ABCC5: variants seen among roughly 807,000 people sequenced by gnomAD.
ABCC5 encodes the protein ATP binding cassette subfamily C member 5.
ABCC5 carries 61 observed loss-of-function variants against 160.9 expected under a neutral mutation model. The ratio of observed to expected loss-of-function variants is 0.38; its 90% CI spans 0.31 to 0.47. The LOEUF (loss-of-function observed/expected upper bound fraction) is 0.47. ABCC5 is among the 20% of genes least tolerant of loss of function. The probability of loss-of-function intolerance (pLI) is 0.99; values close to 1 mark genes in which losing one functional copy is unlikely to be tolerated. For missense variants in ABCC5, 1,308 were observed against 1,813.3 expected, an observed-to-expected ratio of 0.72 and a Z score of 5.06; for synonymous variants, 666 against 700.6, an observed-to-expected ratio of 0.95 and a Z score of 0.78.
chr3:183,985,157 G>C (rs954525114), intron 5 of ABCC5: 1 of 782,486 alleles, frequency 1.3e-6, no homozygotes, highest in African/African-American at 1.7e-5. Flanking sequence ...GAAAAAAGAG[G>C]TTTTCATGAA....
Position 183,977,473 on chromosome 3 carries a change from T to C in ABCC5, c.1404+44A>G. The C allele has an allele frequency of 5.6e-6, 8 of 1,433,510 alleles. No homozygotes were observed. In the African/African-American group the frequency reaches 7.0e-5, roughly 13 times the overall value. 88.8% of individuals were successfully genotyped at this position (1,433,510 alleles called of 1,614,324 possible). ...TGAACAGAGCCAGCAGTTAGTTGTG[T>C]GGGGAGGGCTCCTGACACGGGGGCA... is the stretch of plus-strand genomic sequence containing the variant. On this transcript the variant is annotated intron_variant, in intron 10 of 29. Coordinates refer to ENST00000334444, the MANE Select transcript of ABCC5 (RefSeq NM_005688.4).
At chr3:183,929,900 G>A (rs967424869) in intron 26 of ABCC5, among the ~76,000 whole-genome samples, 1 of 152,188 alleles carries the variant, frequency 6.6e-6, no homozygotes, top group African/African-American at 2.4e-5. Flanking sequence ...TTACAGGCAT[G>A]AGCCACTGTG....
chr3:184,009,161 A>G (rs909635720), intron 2 of ABCC5, among the ~76,000 whole-genome samples: 1 of 152,130 alleles, frequency 6.6e-6, no homozygotes, highest in Non-Finnish European at 1.5e-5. Context: ...CACCAGCAGC[A>G]CAGGTCTCCT....
rs1228154515 is a variant in ABCC5 at position 183,921,369 on chromosome 3, C to G, written c.4245G>C (p.Leu1415=). The G allele has an allele frequency of 6.2e-7, 1 of 1,613,144 alleles. No individual in the cohort carries two copies. Among genetic ancestry groups the G allele is most frequent in the Non-Finnish European group, 8.5e-7 (1 of 1,179,662 alleles). Residue 1415 remains leucine, a synonymous_variant, in exon 30 of 30, where the codon CTG becomes CTC. Transcript: ENST00000334444. The surrounding 1 kb of genome is among the most constrained non-coding windows in gnomAD (Gnocchi z 4.1). ...CATAGAATCGGGAACTGTCGTTGGA[C>G]AGAAGGACCGATGGGGTGTCAAACT... ...VVEFDTPSVL[L]SNDSSRFYAM...
chr3:183,967,637 C>T, intron 12 of ABCC5, 58 bp downstream of exon 12: 1 of 1,485,382 alleles, frequency 6.7e-7, no homozygotes. Flanking sequence ...GTTCGTTTTT[C>T]CTGAGACTCT....
chr3:183,943,665 G>T (rs771533717), intron 24 of ABCC5, among the ~76,000 whole-genome samples: 1 of 152,090 alleles, frequency 6.6e-6, no homozygotes, highest in African/African-American at 2.4e-5. Flanking sequence ...TAGCACTCTG[G>T]GGGGTTAAGC....
At chr3:183,947,631 G>A in intron 22 of ABCC5, 121 bp from the exon 23 acceptor site, 2 of 817,338 alleles carry the variant, frequency 2.4e-6, no homozygotes, top group South Asian at 4.8e-5. Context: ...TTCTAACTGA[G>A]AGAATGCCCT....
chr3:183,973,097 C>T (rs1345289264), intron 10 of ABCC5, among the ~76,000 whole-genome samples: 4 of 148,490 alleles, frequency 2.7e-5, no homozygotes, highest in Non-Finnish European at 5.9e-5. Flanking sequence ...CTGTGTCGCC[C>T]AGGCTGGAGT....
chr3:183,952,625 TAA>T (rs1559999637), intron 18 of ABCC5, among the ~76,000 whole-genome samples: 2 of 152,322 alleles, frequency 1.3e-5, no homozygotes, highest in East Asian at 3.9e-4. Flanking sequence ...TCTGACAGTT[TAA>T]AAGTGTTTGA....
Position 183,972,060 on chromosome 3 carries a change from G to A in ABCC5, c.1405-141C>T, listed in dbSNP as rs1215113530. Reference sequence around the variant, plus strand: ...CTGAAGGGCAAAAGGTAGCTCATTAGTGCAGCCCAATCTCAGGCCCATCAA... The same window carrying A: ...CTGAAGGGCAAAAGGTAGCTCATTAATGCAGCCCAATCTCAGGCCCATCAA... On this transcript the variant is annotated intron_variant, in intron 10 of 29. Coordinates refer to ENST00000334444, the MANE Select transcript of ABCC5 (RefSeq NM_005688.4). 2.6e-6 allele frequency: 4 copies of A among 1,533,228 alleles called. No homozygotes were observed. The South Asian group carries it at 4.7e-5, about 18-fold the overall frequency. The allele number at this position is 1,533,228 out of a possible 1,614,324, so 95.0% of individuals were successfully genotyped here.
chr3:183,925,605 G>A lies in ABCC5; in HGVS notation c.4162C>T (p.Leu1388=), dbSNP rs777729600. The change falls in exon 29 of 30, where the codon CTG becomes TTG. Residue 1388 remains leucine, a synonymous_variant. Coordinates refer to ENST00000334444, the MANE Select transcript of ABCC5 (RefSeq NM_005688.4). The part of the protein sequence containing the change: ...DCTMLTIAHR[L]HTVLGSDRIM... ...CTATCGGAGCCTAGAACCGTGTGCA[G>A]GCGATGGGCAATGGTCAGCATGGTA... is the stretch of plus-strand genomic sequence containing the variant. 3.7e-6 allele frequency: 6 copies of A among 1,614,016 alleles called. No homozygotes were observed. The highest frequency in any genetic ancestry group is 5.1e-6 in the Non-Finnish European group (6 of 1,180,000).
At chr3:184,013,158 C>T (rs1220216653) in intron 2 of ABCC5, among the ~76,000 whole-genome samples, 1 of 152,204 alleles carries the variant, frequency 6.6e-6, no homozygotes, top group Non-Finnish European at 1.5e-5. Context: ...CTAAAGACTG[C>T]TTAACTTATG....
intron 2 of ABCC5, among the ~76,000 whole-genome samples, chr3:184,005,687 G>A (rs146691151): frequency 5.9e-5 from 9 of 151,602 alleles, no homozygotes; most frequent in Non-Finnish European, 1.3e-4. Flanking sequence ...TGTAAATGAC[G>A]AGTTAATGGG....
At chr3:183,923,500 G>A (rs997712560) in intron 29 of ABCC5, among the ~76,000 whole-genome samples, 6 of 152,096 alleles carry the variant, frequency 3.9e-5, no homozygotes, top group Non-Finnish European at 5.9e-5. Flanking sequence ...GCACATGCCT[G>A]TACTCCCAGC....
chr3:184,001,373 G>T, intron 2 of ABCC5: 1 of 420,574 alleles, frequency 2.4e-6, no homozygotes, highest in Non-Finnish European at 4.2e-6. Context: ...TTACAAACGA[G>T]GTATTTCTTT....
intron 13 of ABCC5, 47 bp from the exon 14 acceptor site, chr3:183,965,304 C>T: frequency 6.2e-7 from 1 of 1,614,022 alleles, no homozygotes; most frequent in Admixed American, 1.7e-5. Context: ...GGGAGCAGAG[C>T]CTGCTGACTA....
intron 17 of ABCC5, among the ~76,000 whole-genome samples, chr3:183,957,555 G>T (rs202231119): frequency 4.4e-5 from 5 of 114,164 alleles, no homozygotes; most frequent in East Asian, 2.6e-4. Flanking sequence ...GTTACATGCG[G>T]ATCCGTGTGT....
At chr3:183,936,864 G>A (rs1319563615) in intron 26 of ABCC5, among the ~76,000 whole-genome samples, 1 of 152,180 alleles carries the variant, frequency 6.6e-6, no homozygotes, top group East Asian at 1.9e-4. Context: ...GTTTTCAGGA[G>A]GCTGAAGCTT....
intron 29 of ABCC5, among the ~76,000 whole-genome samples, chr3:183,923,970 G>A (rs1407125482): frequency 1.4e-5 from 2 of 146,744 alleles, no homozygotes; most frequent in Non-Finnish European, 3.0e-5. Context: ...CATCTCCTCC[G>A]CTTCCTTTTT....
Sources: gnomAD v4.1 joint callset for allele counts (sites outside exome capture counted in the v4.1 genomes callset) on GRCh38, gnomAD v4.1.1 for gene constraint, Gnocchi (gnomAD v3.1) non-coding constraint, MANE v1.5 for transcripts, NCBI Gene and HGNC (gene_info 2026-07-23, HGNC 2026-07-21) for gene names.